Variants in VPS13A observed in about 807,000 individuals in gnomAD.
VPS13A encodes the protein vacuolar protein sorting 13 homolog A, also known as intermembrane lipid transfer protein VPS13A.
VPS13A carries 264 observed loss-of-function variants against 390.9 expected under a neutral mutation model. That is an observed-to-expected ratio of 0.68 (90% confidence interval 0.61 to 0.75). The LOEUF (loss-of-function observed/expected upper bound fraction) is 0.75. Ranked by LOEUF, VPS13A falls within the 30% of genes least tolerant of loss-of-function variation. VPS13A has a pLI of 0.00. For synonymous variants in VPS13A, 1,231 were observed against 1,227.1 expected (o/e 1.00, Z -0.07); for missense variants, 3,409 against 3,733.9 (o/e 0.91, Z 2.27).
chr9:77,298,735 A>G (rs1431414675), intron 33 of VPS13A, among the ~76,000 whole-genome samples: 1 of 152,180 alleles, frequency 6.6e-6, no homozygotes, highest in Non-Finnish European at 1.5e-5. Context: ...TGCAGCTCCC[A>G]TAATTCCCAC....
intron 12 of VPS13A, 74 bp from the exon 13 acceptor site, chr9:77,221,111 A>T: frequency 7.2e-7 from 1 of 1,380,596 alleles, no homozygotes; most frequent in Non-Finnish European, 1.0e-6. Flanking sequence ...GTATGTTGTT[A>T]GAGTAGAAGC....
intron 4 of VPS13A, 65 bp from the exon 5 acceptor site, chr9:77,205,913 T>C (rs1395223651): frequency 7.9e-7 from 1 of 1,262,066 alleles, no homozygotes; most frequent in African/African-American, 1.5e-5. Context: ...TTGTAAGGAT[T>C]TTTTTGGAAT....
chr9:77,303,745 G>A (rs1214119066), intron 34 of VPS13A, among the ~76,000 whole-genome samples: 9 of 152,204 alleles, frequency 5.9e-5, no homozygotes, highest in Non-Finnish European at 1.0e-4. Flanking sequence ...GAGTGGACGT[G>A]CACGTAAGCC....
intron 44 of VPS13A, 128 bp downstream of exon 44, chr9:77,321,874 C>A: frequency 9.0e-7 from 1 of 1,106,490 alleles, no homozygotes; most frequent in South Asian, 1.5e-5. Context: ...TTAAAATATC[C>A]TTTCTAATAG....
Position 77,371,159 on chromosome 9 carries a change from C to G in VPS13A, c.9077+10C>G, listed in dbSNP as rs1253240460. On this transcript the variant is annotated intron_variant, in intron 67 of 71. Transcript: ENST00000360280. ...TTCAGGGAATAAAAAGGTAAATCCT[C>G]TTTGGTGTAAGATATGAGTTAAAAT... is the stretch of plus-strand genomic sequence containing the variant. 6.2e-7 allele frequency: 1 copy of G among 1,613,664 alleles called. No individual in the cohort carries two copies. The highest frequency in any genetic ancestry group is 8.5e-7 in the Non-Finnish European group (1 of 1,179,874).
intron 70 of VPS13A, among the ~76,000 whole-genome samples, chr9:77,406,786 G>T (rs1308025652): frequency 6.6e-6 from 1 of 151,628 alleles, no homozygotes; most frequent in Non-Finnish European, 1.5e-5. Context: ...ATGGATAGTT[G>T]AATTACTTAT....
chr9:77,211,181 C>G (rs1421097214), intron 7 of VPS13A: 1 of 153,816 alleles, frequency 6.5e-6, no homozygotes, highest in Admixed American at 6.5e-5. Context: ...TTAAAATAGC[C>G]TATTTGCTTA....
intron 70 of VPS13A, among the ~76,000 whole-genome samples, chr9:77,406,344 T>TAATA (rs1226725061): frequency 6.6e-6 from 1 of 152,200 alleles, no homozygotes; most frequent in African/African-American, 2.4e-5. Context: ...TTTCTAACAT[T>TAATA]AATACATTCT....
rs536938023 is a variant in VPS13A at position 77,204,480 on chromosome 9, TTA to T, written c.188-831_188-830del. On this transcript the variant is annotated intron_variant, in intron 3 of 71. Transcript: ENST00000360280. ...TTACCCAGAATATTTTATTATTACT[TTA>T]TGTGTAGTTTTCATATATATAGTTT... 1.8e-3 allele frequency among the ~76,000 whole-genome samples: 267 copies of T among 152,320 alleles called. 2 individuals carry two copies. The highest frequency in any genetic ancestry group is 5.8e-3 in the African/African-American group (241 of 41,570).
At chr9:77,345,525 C>G (rs188032673) in intron 52 of VPS13A, among the ~76,000 whole-genome samples, 18 of 151,738 alleles carry the variant, frequency 1.2e-4, no homozygotes, top group Middle Eastern at 3.4e-3. Flanking sequence ...CAGTAGGTAC[C>G]CTCTTGTTGA....
At chr9:77,302,097 A>G (rs933313631) in intron 33 of VPS13A, among the ~76,000 whole-genome samples, 43 of 152,036 alleles carry the variant, frequency 2.8e-4, no homozygotes, top group Admixed American at 1.0e-3. Context: ...AGCTGGGATT[A>G]CAGGTGCCCA....
At chr9:77,318,843 TTAAAGA>T (rs1187673225) in intron 41 of VPS13A, among the ~76,000 whole-genome samples, 2 of 152,174 alleles carry the variant, frequency 1.3e-5, no homozygotes, top group African/African-American at 4.8e-5. Flanking sequence ...TTTTATCAAC[TTAAAGA>T]TAATATATTA....
At chr9:77,247,510 A>G (rs1020227550) in intron 20 of VPS13A, 115 bp downstream of exon 20, 17 of 1,115,488 alleles carry the variant, frequency 1.5e-5, no homozygotes, top group Non-Finnish European at 2.1e-5. Flanking sequence ...GATTTGTGGT[A>G]GATAAGTAAG....
At chr9:77,299,898 G>C (rs1359946473) in intron 33 of VPS13A, among the ~76,000 whole-genome samples, 2 of 152,002 alleles carry the variant, frequency 1.3e-5, no homozygotes, top group African/African-American at 4.8e-5. Context: ...GGACACAGGA[G>C]GGGGAACATC....
chr9:77,316,024 A>G (rs1254782298), intron 38 of VPS13A, 150 bp from the exon 39 acceptor site: 2 of 321,218 alleles, frequency 6.2e-6, no homozygotes, highest in Admixed American at 5.1e-5. Flanking sequence ...AGCTTCTTCA[A>G]GTCTTTACTA....
At position 77,283,354 on chromosome 9, in the gene VPS13A, G is replaced by A. The variant is rs1264675106; in HGVS notation, c.3119-1G>A. ...TTTATAATATGAATTTTTTTTTGCA[G>A]CTTTAAAACTATCCACAAATGAAGA... On this transcript the variant is annotated splice_acceptor_variant, in intron 29 of 71. Coordinates refer to ENST00000360280, the MANE Select transcript of VPS13A (RefSeq NM_033305.3). LOFTEE classifies it high-confidence loss of function. The A allele has an allele frequency of 1.3e-6, 2 of 1,559,896 alleles. No homozygotes were observed. Among genetic ancestry groups the A allele is most frequent in the Non-Finnish European group, 1.8e-6 (2 of 1,134,746 alleles).
chr9:77,239,070 T>A (rs1824314307), intron 19 of VPS13A, among the ~76,000 whole-genome samples: 1 of 152,160 alleles, frequency 6.6e-6, no homozygotes, highest in Non-Finnish European at 1.5e-5. Context: ...TTACTGGATT[T>A]TTTTTTTCCC....
In VPS13A at chr9:77,299,481, G is replaced by A. The variant is rs550469354; in HGVS notation, c.3813-3434G>A. Among the ~76,000 whole-genome samples the A allele has an allele frequency of 3.9e-5, 6 of 152,280 alleles. No individual in the cohort carries two copies. In the South Asian group the frequency reaches 8.3e-4, roughly 21 times the overall value. On this transcript the variant is annotated intron_variant, in intron 33 of 71. Coordinates refer to ENST00000360280, the MANE Select transcript of VPS13A (RefSeq NM_033305.3). ...ACACTTTTACACTGTTGGTGTGCGT[G>A]TAAATTAGTGCAACCATTGTGGAAA... is the stretch of plus-strand genomic sequence containing the variant.
At chr9:77,410,156 A>ATTCTTT (rs1834850463) in intron 71 of VPS13A, among the ~76,000 whole-genome samples, 1 of 152,192 alleles carries the variant, frequency 6.6e-6, no homozygotes, top group Non-Finnish European at 1.5e-5. Flanking sequence ...TTCTTAAAGA[A>ATTCTTT]AAGAATTTTC....
Sources: gnomAD v4.1 joint callset for allele counts (sites outside exome capture counted in the v4.1 genomes callset) on GRCh38, gnomAD v4.1.1 for gene constraint, MANE v1.5 for transcripts, NCBI Gene and HGNC (gene_info 2026-07-23, HGNC 2026-07-21) for gene names.